The following CDYL variants were observed in gnomAD, a reference collection of about 807,000 sequenced individuals.
The protein encoded by CDYL is chromodomain Y-like protein.
Under a neutral mutation model 47.3 loss-of-function variants are expected in CDYL, and 8 were observed. The ratio of observed to expected loss-of-function variants is 0.17; its 90% CI spans 0.10 to 0.31. The LOEUF (loss-of-function observed/expected upper bound fraction) is 0.31, where lower values mean the gene tolerates loss of function less well. CDYL is among the 10% of genes least tolerant of loss of function. The pLI, the probability that CDYL is intolerant of heterozygous loss-of-function variation, is 1.00. For synonymous variants in CDYL, 266 were observed against 265.0 expected, an observed-to-expected ratio of 1.00 and a Z score of -0.04; for missense variants, 471 against 701.4, an observed-to-expected ratio of 0.67 and a Z score of 3.71.
chr6:4,865,736 A>G (rs1195116845), intron 1 of CDYL, among the ~76,000 whole-genome samples: 1 of 152,218 alleles, frequency 6.6e-6, no homozygotes, highest in African/African-American at 2.4e-5. Flanking sequence ...GATAAAATGT[A>G]TAGTTCTCCA....
At chr6:4,835,723 G>A (rs1760280434) in intron 1 of CDYL, among the ~76,000 whole-genome samples, 1 of 152,210 alleles carries the variant, frequency 6.6e-6, no homozygotes, top group African/African-American at 2.4e-5. Context: ...AGCTGTGGTG[G>A]GCTCCACCCA....
At chr6:4,852,396 TCCTC>T (rs1760861248) in intron 1 of CDYL, among the ~76,000 whole-genome samples, 2 of 129,408 alleles carry the variant, frequency 1.5e-5, no homozygotes, top group Admixed American at 7.2e-5. Flanking sequence ...CTTCCTTCCT[TCCTC>T]CTTCCTTCCT....
At chr6:4,877,800 A>T (rs1761659942) in intron 1 of CDYL, among the ~76,000 whole-genome samples, 1 of 152,096 alleles carries the variant, frequency 6.6e-6, no homozygotes, top group South Asian at 2.1e-4. Flanking sequence ...ATTGCTTTGG[A>T]TTGCCTTTCA....
At chr6:4,838,021 G>C (rs996480380) in intron 1 of CDYL, among the ~76,000 whole-genome samples, 1 of 151,346 alleles carries the variant, frequency 6.6e-6, no homozygotes, top group Admixed American at 6.6e-5. Context: ...CAAGCAATCC[G>C]CTTTCCTCAT....
At chr6:4,884,907 C>A (rs79371427) in intron 1 of CDYL, among the ~76,000 whole-genome samples, 1 of 152,160 alleles carries the variant, frequency 6.6e-6, no homozygotes, top group East Asian at 1.9e-4. Flanking sequence ...CCCCGTTTAC[C>A]CTTTAAGCTT....
chr6:4,822,345 T>C (rs1759864308), intron 1 of CDYL, among the ~76,000 whole-genome samples: 1 of 152,104 alleles, frequency 6.6e-6, no homozygotes, highest in African/African-American at 2.4e-5. Flanking sequence ...AATATTATTT[T>C]GCCATAAATG....
intron 2 of CDYL, among the ~76,000 whole-genome samples, chr6:4,915,833 C>G (rs538356532): frequency 9.8e-4 from 149 of 152,290 alleles, no homozygotes; most frequent in Non-Finnish European, 1.5e-3. Flanking sequence ...AGACAGTCAC[C>G]CTATATATGA....
At chr6:4,710,082 C>T (rs1006531873) in intron 1 of CDYL, among the ~76,000 whole-genome samples, 2 of 151,912 alleles carry the variant, frequency 1.3e-5, no homozygotes, top group African/African-American at 4.8e-5. Flanking sequence ...ATTAGCTGGG[C>T]GTGGTGGCAT....
chr6:4,737,812 A>G (rs139787719), intron 3 of CDYL, among the ~76,000 whole-genome samples: 37 of 152,194 alleles, frequency 2.4e-4, no homozygotes, highest in Non-Finnish European at 4.0e-4. Context: ...GGTGTGAGCC[A>G]TCGCACCAGC....
At chr6:4,914,142 G>A (rs1468741653) in intron 2 of CDYL, among the ~76,000 whole-genome samples, 3 of 151,832 alleles carry the variant, frequency 2.0e-5, no homozygotes, top group Admixed American at 2.0e-4. Context: ...GGCCCTGTGT[G>A]TCTCACCTGT....
intron 3 of CDYL, among the ~76,000 whole-genome samples, chr6:4,751,505 T>C (rs530989531): frequency 4.6e-5 from 7 of 152,380 alleles, no homozygotes; most frequent in African/African-American, 1.4e-4. Context: ...GTAAAATGTA[T>C]TGACAGTATG....
intron 2 of CDYL, among the ~76,000 whole-genome samples, chr6:4,905,355 G>A (rs981957502): frequency 3.9e-5 from 6 of 152,298 alleles, no homozygotes; most frequent in East Asian, 3.9e-4. Context: ...CTTCGGACAC[G>A]ATGTGCCTGT....
intron 1 of CDYL, among the ~76,000 whole-genome samples, chr6:4,807,254 C>G (rs931396539): frequency 6.6e-6 from 1 of 152,060 alleles, no homozygotes; most frequent in Non-Finnish European, 1.5e-5. Flanking sequence ...TTCAGTGGGT[C>G]GCTTATAGAT....
At chr6:4,790,881 T>A (rs929651261) in intron 1 of CDYL, among the ~76,000 whole-genome samples, 2 of 152,188 alleles carry the variant, frequency 1.3e-5, no homozygotes, top group African/African-American at 4.8e-5. Flanking sequence ...CACAAAAGAT[T>A]GATAAAAACA....
chr6:4,761,846 C>T (rs1055127428), intron 3 of CDYL, among the ~76,000 whole-genome samples: 1 of 152,164 alleles, frequency 6.6e-6, no homozygotes, highest in Non-Finnish European at 1.5e-5. Flanking sequence ...CCAGTAATGG[C>T]AGACTAAATA....
intron 1 of CDYL, among the ~76,000 whole-genome samples, chr6:4,874,558 C>G (rs1010562534): frequency 6.6e-6 from 1 of 152,194 alleles, no homozygotes; most frequent in Non-Finnish European, 1.5e-5. Flanking sequence ...GCTGCCTAGC[C>G]TCCTTTCTGC....
At chr6:4,810,421 A>G (rs370440086) in intron 1 of CDYL, among the ~76,000 whole-genome samples, 2 of 152,174 alleles carry the variant, frequency 1.3e-5, no homozygotes, top group South Asian at 2.1e-4. Context: ...CCAGTTAACT[A>G]TGTCAGAGTT....
intron 1 of CDYL, among the ~76,000 whole-genome samples, chr6:4,826,928 G>A (rs1198909970): frequency 6.6e-6 from 1 of 152,128 alleles, no homozygotes; most frequent in Non-Finnish European, 1.5e-5. Context: ...AACTGTTATT[G>A]TAAAGCTATC....
At chr6:4,795,351 G>C (rs1480157057) in intron 1 of CDYL, among the ~76,000 whole-genome samples, 1 of 152,044 alleles carries the variant, frequency 6.6e-6, no homozygotes, top group Non-Finnish European at 1.5e-5. Flanking sequence ...TATTGCTACA[G>C]TTTTTTTCCT....
Sources: gnomAD v4.1 joint callset for allele counts (sites outside exome capture counted in the v4.1 genomes callset) on GRCh38, gnomAD v4.1.1 for gene constraint, MANE v1.5 for transcripts, NCBI Gene and HGNC (gene_info 2026-07-23, HGNC 2026-07-21) for gene names.